Variants in SCN9A observed in about 807,000 individuals in gnomAD.
The protein encoded by SCN9A is sodium channel protein type 9 subunit alpha.
In SCN9A, 131 loss-of-function variants were observed where a neutral mutation model predicts 187.0. The observed-to-expected ratio is 0.70, with a 90% CI of 0.61 to 0.81. The LOEUF is 0.81. Ranked by LOEUF, SCN9A falls within the 30% of genes least tolerant of loss-of-function variation. The pLI is 0.00. For synonymous variants in SCN9A, 809 were observed against 808.6 expected (o/e 1.00, Z -0.01); for missense variants, 2,252 against 2,396.6 (o/e 0.94, Z 1.26).
chr2:166,311,690 T>A lies in SCN9A; in HGVS notation c.67A>T (p.Ile23Phe). 1.2e-6 allele frequency: 2 copies of A among 1,613,464 alleles called. No individual in the cohort carries two copies. Among genetic ancestry groups the A allele is most frequent in the South Asian group, 2.2e-5 (2 of 91,032 alleles). ...TTTCTTTCAGCAATGCGTTGTTCAATGAGGGCAAGAGACTGTTTTGTGAAA... is the reference window on the plus strand; with the variant it reads ...TTTCTTTCAGCAATGCGTTGTTCAAAGAGGGCAAGAGACTGTTTTGTGAAA... ...VHFTKQSLAL[I>F]EQRIAERKSK... is the part of the protein sequence containing the mutation. The change falls in exon 2 of 27, where the codon ATT becomes TTT. Residue 23 changes from isoleucine (I) to phenylalanine (F), a missense_variant. By Grantham distance (21) the Ile-to-Phe change is conservative. This residue lies in a region of SCN9A where 1,013 missense variants were observed against 997.4 expected (regional missense o/e 1.02). Coordinates refer to ENST00000642356, the MANE Select transcript of SCN9A (RefSeq NM_001365536.1).
chr2:166,352,048 G>A (rs988906302), intron 1 of SCN9A, among the ~76,000 whole-genome samples: 2 of 151,990 alleles, frequency 1.3e-5, no homozygotes, highest in Non-Finnish European at 2.9e-5. Flanking sequence ...TAAGAAACAC[G>A]TACAATGTTA....
chr2:166,245,871 G>T lies in SCN9A; in HGVS notation c.3473-3215C>A, dbSNP rs932692789. ...TGTATGTTCTAAAACAACAAAACTA[G>T]AATCCTCTTGACAAGATGCACCTGG... On this transcript the variant is annotated intron_variant, in intron 18 of 26. Transcript: ENST00000642356. Among the ~76,000 whole-genome samples the T allele has an allele frequency of 3.3e-5, 5 of 152,082 alleles. No homozygotes were observed. The East Asian group carries it at 9.7e-4, about 29-fold the overall frequency.
At chr2:166,306,454 G>A in intron 4 of SCN9A, 56 bp downstream of exon 4, 1 of 984,270 alleles carries the variant, frequency 1.0e-6, no homozygotes, top group Non-Finnish European at 1.6e-6. Context: ...GCAGGAAAAG[G>A]AAAGGATGAA....
chr2:166,275,714 A>T (rs2106466519), intron 16 of SCN9A, among the ~76,000 whole-genome samples: 1 of 152,282 alleles, frequency 6.6e-6, no homozygotes, highest in South Asian at 2.1e-4. Context: ...TAAAACTAGG[A>T]AGCTTATTTA....
At position 166,198,513 on chromosome 2, in the gene SCN9A, A is replaced by G. The variant is rs201133173; in HGVS notation, c.*159T>C. ...ATCAGTGCAAAAATAACCATCTGCT[A>G]ATGCTGCCCACCTTTCTTAGGAAAT... On this transcript the variant is annotated 3_prime_UTR_variant, in exon 27 of 27. Transcript: ENST00000642356. 207 of 600,498 alleles carry G rather than the reference A, an allele frequency of 3.4e-4. No individual in the cohort carries two copies. The highest frequency in any genetic ancestry group is 3.7e-4 in the Non-Finnish European group (126 of 343,700). 37.2% of individuals were successfully genotyped at this position (600,498 alleles called of 1,614,324 possible).
chr2:166,252,077 A>G (rs962245240), intron 17 of SCN9A, among the ~76,000 whole-genome samples, 192 bp from the exon 18 acceptor site: 3 of 152,056 alleles, frequency 2.0e-5, no homozygotes, highest in African/African-American at 4.8e-5. Flanking sequence ...TGATCTTTCT[A>G]TCTACACCAT....
At position 166,286,340 on chromosome 2, in the gene SCN9A, T is replaced by C. The variant is rs199847980; in HGVS notation, c.1598A>G (p.Asn533Ser). The C allele has an allele frequency of 1.6e-5, 25 of 1,604,040 alleles. No individual in the cohort carries two copies. The highest frequency in any genetic ancestry group is 9.4e-5 in the African/African-American group (7 of 74,160). ...ATTTAGCAATTTGGGTGGTACCTGA[T>C]TGGGGGTAGACAACCTCTTTTCATG... ...RAHEKRLSTP[N>S]QSPLSIRGSL... Residue 533 changes from asparagine (N) to serine (S), a missense_variant, in exon 11 of 27, where the codon AAT (asparagine) becomes AGT (serine). Around this residue, in one of 7 missense-constraint regions of SCN9A, gnomAD observed 1,013 missense variants for 997.4 expected, o/e 1.02. Coordinates refer to ENST00000642356, the MANE Select transcript of SCN9A (RefSeq NM_001365536.1).
intron 16 of SCN9A, among the ~76,000 whole-genome samples, chr2:166,274,019 T>C (rs1051298671): frequency 2.0e-5 from 3 of 152,204 alleles, no homozygotes; most frequent in African/African-American, 2.4e-5. Context: ...AATGGTTTAA[T>C]AGTTGTCAAT....
chr2:166,281,484 T>C (rs1385748630), intron 13 of SCN9A, among the ~76,000 whole-genome samples, 195 bp downstream of exon 13: 2 of 152,138 alleles, frequency 1.3e-5, no homozygotes, highest in Non-Finnish European at 2.9e-5. Context: ...CTGTGTTTAA[T>C]AGCAAATAAT....
At chr2:166,306,171 A>G (rs187500785) in intron 4 of SCN9A, among the ~76,000 whole-genome samples, 73 of 152,236 alleles carry the variant, frequency 4.8e-4, no homozygotes, top group African/African-American at 1.5e-3. Context: ...CTGCCTAAAA[A>G]TTTCCTACAT....
intron 9 of SCN9A, among the ~76,000 whole-genome samples, chr2:166,290,284 A>T (rs905510554): frequency 3.9e-5 from 6 of 152,112 alleles, no homozygotes; most frequent in Admixed American, 2.0e-4. Flanking sequence ...TCCATGGTGT[A>T]TATGTACCAC....
rs1447844521 is a variant in SCN9A at position 166,228,771 on chromosome 2, C to G, written c.4126G>C (p.Val1376Leu). Reference protein sequence around the residue: ...NRSECFALMNVSQNVRWKNLK... With the variant: ...NRSECFALMNLSQNVRWKNLK... ...TTTTTCCATCGCACATTTTGACTAACATTCATAAGGGCAAAACATTCGGAA... is the reference window on the plus strand; with the variant it reads ...TTTTTCCATCGCACATTTTGACTAAGATTCATAAGGGCAAAACATTCGGAA... The change falls in exon 22 of 27, where the codon GTT (valine) becomes CTT (leucine). Residue 1376 changes from valine to leucine, a missense_variant. By Grantham distance (32) the Val-to-Leu change is conservative. Transcript: ENST00000642356. 6.2e-7 allele frequency: 1 copy of G among 1,613,894 alleles called. No individual in the cohort carries two copies.
intron 1 of SCN9A, among the ~76,000 whole-genome samples, chr2:166,332,334 C>T (rs1559046306): frequency 6.6e-6 from 1 of 152,110 alleles, no homozygotes; most frequent in Non-Finnish European, 1.5e-5. Context: ...GCATGAGTAC[C>T]CAACAACTTC....
At chr2:166,344,274 A>G (rs1404917367) in intron 1 of SCN9A, among the ~76,000 whole-genome samples, 3 of 152,214 alleles carry the variant, frequency 2.0e-5, no homozygotes, top group African/African-American at 4.8e-5. Context: ...ATAAAGTTAA[A>G]AATATATCAA....
chr2:166,212,623 G>A (rs1356174828), intron 24 of SCN9A, among the ~76,000 whole-genome samples: 1 of 152,138 alleles, frequency 6.6e-6, no homozygotes, highest in Non-Finnish European at 1.5e-5. Flanking sequence ...TTTGAACAAC[G>A]CTATAGACCA....
In SCN9A at chr2:166,199,403, T is replaced by G. The variant is rs1290729702; in HGVS notation, c.5236A>C (p.Ile1746Leu). ...ATGTTCACCACAACCAGGAAGGATA[T>G]GATGATATAACTAACAAAGTAGAAT... Reference protein sequence around the residue: ...GIFYFVSYIIISFLVVVNMYI... With the variant: ...GIFYFVSYIILSFLVVVNMYI... The change falls in exon 27 of 27, where the codon ATA becomes CTA. Residue 1746 changes from isoleucine to leucine, a missense_variant. Transcript: ENST00000642356. The G allele has an allele frequency of 4.3e-6, 7 of 1,614,220 alleles. No homozygotes were observed. Among genetic ancestry groups the G allele is most frequent in the Non-Finnish European group, 5.9e-6 (7 of 1,180,042 alleles).
At chr2:166,297,527 T>C (rs1698370828) in intron 7 of SCN9A, among the ~76,000 whole-genome samples, 1 of 152,214 alleles carries the variant, frequency 6.6e-6, no homozygotes, top group East Asian at 1.9e-4. Context: ...CCATATATTA[T>C]ATGCTTCCAT....
chr2:166,204,024 G>T lies in SCN9A; in HGVS notation c.4705C>A (p.Leu1569Ile). The part of the protein sequence containing the change: ...TGECVLKLIS[L>I]RHYYFTVGWN... ...CCTACAGTGAAGTAGTAGTGTCTGA[G>T]GGAGATCAGTTTTAGCACACATTCT... Residue 1569 changes from leucine (L) to isoleucine (I), a missense_variant, in exon 26 of 27, where the codon CTC becomes ATC. Physicochemically the swap from Leu to Ile is conservative, Grantham distance 5. Coordinates refer to ENST00000642356, the MANE Select transcript of SCN9A (RefSeq NM_001365536.1). 1 of 1,606,746 alleles carries T rather than the reference G, an allele frequency of 6.2e-7. No homozygotes were observed.
intron 24 of SCN9A, among the ~76,000 whole-genome samples, chr2:166,205,692 A>C (rs7568897): frequency 0.83 from 126,005 of 152,102 alleles, 52,549 homozygotes; most frequent in Middle Eastern, 0.86. Context: ...AGCTTCTGCA[A>C]AGCAAAAGAA....
Sources: allele counts gnomAD v4.1 joint callset (sites outside exome capture counted in the v4.1 genomes callset), GRCh38; gene constraint gnomAD v4.1.1; regional missense constraint gnomAD v4.1.1; transcripts MANE v1.5; gene names NCBI Gene and HGNC (gene_info 2026-07-23, HGNC 2026-07-21).